The following CUL5 variants were observed in gnomAD, a reference collection of about 807,000 sequenced individuals.
CUL5 encodes the protein cullin 5, also known as cullin-5.
A neutral mutation model predicts 108.8 loss-of-function variants in CUL5; 26 were observed. That is an observed-to-expected ratio of 0.24 (90% CI 0.18 to 0.33). CUL5 has a LOEUF of 0.33. CUL5 is among the 10% of genes least tolerant of loss of function. The probability of loss-of-function intolerance (pLI) is 1.00; values close to 1 mark genes in which losing one functional copy is unlikely to be tolerated. For synonymous variants in CUL5, 334 were observed against 298.0 expected, an observed-to-expected ratio of 1.12 and a Z score of -1.25; for missense variants, 524 against 909.2, an observed-to-expected ratio of 0.58 and a Z score of 5.45.
intron 2 of CUL5, among the ~76,000 whole-genome samples, chr11:108,041,735 C>T (rs1862922229): frequency 6.6e-6 from 1 of 152,046 alleles, no homozygotes. Context: ...GGATTACAGG[C>T]ACCTGCCATC....
chr11:108,034,381 T>C (rs897909155), intron 2 of CUL5, among the ~76,000 whole-genome samples: 8 of 152,170 alleles, frequency 5.3e-5, no homozygotes, highest in Admixed American at 4.6e-4. Flanking sequence ...CCAAAATCAG[T>C]GTAAACCATA....
chr11:108,036,613 G>A (rs943254414), intron 2 of CUL5, among the ~76,000 whole-genome samples: 1 of 152,118 alleles, frequency 6.6e-6, no homozygotes, highest in East Asian at 1.9e-4. Flanking sequence ...GAGTAGCTGG[G>A]ACTACAGGTA....
intron 1 of CUL5, among the ~76,000 whole-genome samples, chr11:108,014,714 T>C (rs1179494295): frequency 1.3e-5 from 2 of 152,160 alleles, no homozygotes; most frequent in African/African-American, 2.4e-5. Flanking sequence ...ATTTCCTAAT[T>C]CTAACTAGAT....
At chr11:108,016,695 TCA>T in intron 1 of CUL5, among the ~76,000 whole-genome samples, 1 of 152,278 alleles carries the variant, frequency 6.6e-6, no homozygotes, top group Non-Finnish European at 1.5e-5. Context: ...GTGCAGTAAC[TCA>T]CACCTGTAAT....
chr11:108,027,530 C>T (rs997601071), intron 1 of CUL5, among the ~76,000 whole-genome samples: 1 of 152,088 alleles, frequency 6.6e-6, no homozygotes, highest in Non-Finnish European at 1.5e-5. Context: ...CCCCGGCCTC[C>T]CAAAGTGCTG....
At chr11:108,065,021 A>C (rs1275376313) in intron 7 of CUL5, among the ~76,000 whole-genome samples, 1 of 151,766 alleles carries the variant, frequency 6.6e-6, no homozygotes, top group East Asian at 1.9e-4. Context: ...TTATTTATTT[A>C]ATTAATTAAT....
At chr11:108,068,207 C>T (rs1863737132) in intron 7 of CUL5, among the ~76,000 whole-genome samples, 1 of 152,184 alleles carries the variant, frequency 6.6e-6, no homozygotes, top group African/African-American at 2.4e-5. Context: ...CTATGAGCCA[C>T]CACGCCCAGC....
At chr11:108,026,579 C>G (rs890994035) in intron 1 of CUL5, among the ~76,000 whole-genome samples, 3 of 152,190 alleles carry the variant, frequency 2.0e-5, no homozygotes, top group Admixed American at 1.3e-4. Flanking sequence ...CCCATTCCCT[C>G]TTGCCTATCC....
chr11:108,106,702 AG>A lies in CUL5; in HGVS notation c.*2319del, dbSNP rs1295320511. On this transcript the variant is annotated 3_prime_UTR_variant, in exon 19 of 19. Coordinates refer to ENST00000393094, the MANE Select transcript of CUL5 (RefSeq NM_003478.6). ...AAAAAATGAAAAAAAAAATCTTACC[AG>A]CAGTTTGTAAAGGTCTGGAATCACA... 1 of 152,036 alleles carries A rather than the reference AG, an allele frequency of 6.6e-6. No homozygotes were observed. The highest frequency in any genetic ancestry group is 1.5e-5 in the Non-Finnish European group (1 of 67,930). The allele number at this position is 152,036 out of a possible 1,614,324, so 9.4% of individuals were successfully genotyped here.
rs536258412 is a variant in CUL5 at position 108,057,089 on chromosome 11, GTCATA to G, written c.780+2140_780+2144del. ...ATCTCCTACTGCAATTTGTATGTTA[GTCATA>G]TCATAGCCACATTAAACTTATGAAC... On this transcript the variant is annotated intron_variant, in intron 7 of 18. Coordinates refer to ENST00000393094, the MANE Select transcript of CUL5 (RefSeq NM_003478.6). 2.1e-3 allele frequency among the ~76,000 whole-genome samples: 320 copies of G among 152,304 alleles called. 4 individuals carry two copies. The highest frequency in any genetic ancestry group is 7.5e-3 in the African/African-American group (310 of 41,576).
chr11:108,025,110 C>G (rs7125329), intron 1 of CUL5, among the ~76,000 whole-genome samples: 151,033 of 152,330 alleles, frequency 0.99, 74,890 homozygotes, highest in Middle Eastern at 1. Context: ...ATTATGTGTA[C>G]GTTAGGTCAT....
At chr11:108,102,446 C>A (rs1303247460) in intron 18 of CUL5, among the ~76,000 whole-genome samples, 1 of 152,200 alleles carries the variant, frequency 6.6e-6, no homozygotes, top group Non-Finnish European at 1.5e-5. Flanking sequence ...CCTGACTCAG[C>A]CCCCTGCGTA....
In CUL5 at chr11:108,106,574, T is replaced by A. The variant is rs1864807666; in HGVS notation, c.*2190T>A. 6.6e-6 allele frequency: 1 copy of A among 151,714 alleles called. No homozygotes were observed. The highest frequency in any genetic ancestry group is 2.1e-4 in the South Asian group (1 of 4,826). The allele number at this position is 151,714 out of a possible 1,614,324, so 9.4% of individuals were successfully genotyped here. On this transcript the variant is annotated 3_prime_UTR_variant, in exon 19 of 19. Transcript: ENST00000393094. ...TTTTTTGGTTATGTATACAAAAGTT[T>A]TAACTACTTTTTGGTGTTTATGAAA...
Position 108,098,414 on chromosome 11 carries a change from C to T in CUL5, c.2033C>T (p.Ala678Val). The change falls in exon 18 of 19, where the codon GCA becomes GTA. Residue 678 changes from alanine (A) to valine (V), a missense_variant. By Grantham distance (64) the Ala-to-Val change is moderately conservative. This residue lies in a region of CUL5 where 66 missense variants were observed against 81.4 expected (regional missense o/e 0.81). Coordinates refer to ENST00000393094, the MANE Select transcript of CUL5 (RefSeq NM_003478.6). ...VNQEFSLIKN[A>V]KVQKRGKINL... is the part of the protein sequence containing the mutation. ...TGCAATTCTTTTTGTAGAAAAAATGCAAAGGTTCAGAAAAGGGGTAAAATC... is the reference window on the plus strand; with the variant it reads ...TGCAATTCTTTTTGTAGAAAAAATGTAAAGGTTCAGAAAAGGGGTAAAATC... 2 of 1,600,466 alleles carry T rather than the reference C, an allele frequency of 1.2e-6. No homozygotes were observed. The highest frequency in any genetic ancestry group is 1.7e-6 in the Non-Finnish European group (2 of 1,175,064).
At chr11:108,045,999 C>T (rs955027759) in intron 2 of CUL5, among the ~76,000 whole-genome samples, 5 of 152,100 alleles carry the variant, frequency 3.3e-5, no homozygotes, top group Admixed American at 2.6e-4. Flanking sequence ...TGGGCAGTGA[C>T]ATTGGGAGAT....
intron 7 of CUL5, among the ~76,000 whole-genome samples, chr11:108,068,967 C>T (rs1863757303): frequency 6.6e-6 from 1 of 152,168 alleles, no homozygotes; most frequent in African/African-American, 2.4e-5. Context: ...CTGTTTAAAA[C>T]TTCCTTGGGG....
At chr11:108,067,967 T>C in intron 7 of CUL5, among the ~76,000 whole-genome samples, 1 of 152,170 alleles carries the variant, frequency 6.6e-6, no homozygotes, top group African/African-American at 2.4e-5. Context: ...TTGCTCTTGT[T>C]GCCCAGGCTG....
At chr11:108,031,708 A>G (rs1038377178) in intron 1 of CUL5, among the ~76,000 whole-genome samples, 1 of 152,164 alleles carries the variant, frequency 6.6e-6, no homozygotes, top group Non-Finnish European at 1.5e-5. Context: ...TCGTATAAAG[A>G]CACATGCACA....
intron 13 of CUL5, among the ~76,000 whole-genome samples, chr11:108,090,395 CAGG>C: frequency 6.6e-6 from 1 of 152,090 alleles, no homozygotes; most frequent in East Asian, 1.9e-4. Flanking sequence ...GAGGCTGAGG[CAGG>C]AGAATGGCAT....
Sources: allele counts gnomAD v4.1 joint callset (sites outside exome capture counted in the v4.1 genomes callset), GRCh38; gene constraint gnomAD v4.1.1; regional missense constraint gnomAD v4.1.1; transcripts MANE v1.5; gene names NCBI Gene and HGNC (gene_info 2026-07-23, HGNC 2026-07-21).